NAV2: variants seen among roughly 807,000 people sequenced by gnomAD.
NAV2 encodes helicase, APC down-regulated 1.
In NAV2, 54 loss-of-function variants were observed where a neutral mutation model predicts 223.2. The ratio of observed to expected loss-of-function variants is 0.24; its 90% CI spans 0.19 to 0.30. The LOEUF is 0.30. Among genes scored for constraint, NAV2 ranks in the 10% least tolerant of loss-of-function variants. The probability of loss-of-function intolerance (pLI) is 1.00; values close to 1 mark genes in which losing one functional copy is unlikely to be tolerated. For synonymous variants in NAV2, 1,279 were observed against 1,239.3 expected (o/e 1.03, Z -0.67); for missense variants, 2,806 against 3,147.5 (o/e 0.89, Z 2.60).
intron 1 of NAV2, among the ~76,000 whole-genome samples, chr11:19,558,928 G>A (rs1208283964): frequency 6.6e-6 from 1 of 152,174 alleles, no homozygotes; most frequent in African/African-American, 2.4e-5. Flanking sequence ...ATACATGGTG[G>A]CGCAGGACTC....
chr11:19,552,032 G>A (rs990774255), intron 1 of NAV2, among the ~76,000 whole-genome samples: 78 of 152,198 alleles, frequency 5.1e-4, no homozygotes, highest in African/African-American at 1.7e-3. Context: ...TGAGGAGGAC[G>A]GGGGAGGCAG....
At chr11:19,903,373 T>A (rs1035193985) in intron 6 of NAV2, among the ~76,000 whole-genome samples, 4 of 152,180 alleles carry the variant, frequency 2.6e-5, no homozygotes, top group Non-Finnish European at 5.9e-5. Context: ...TCCTAGGAGC[T>A]CCTGCCATGA....
intron 1 of NAV2, among the ~76,000 whole-genome samples, chr11:19,642,581 T>C (rs1243036703): frequency 1.3e-5 from 2 of 152,174 alleles, no homozygotes; most frequent in East Asian, 3.9e-4. Flanking sequence ...CTGGGCTCTC[T>C]GGATGTGCCA....
intron 1 of NAV2, among the ~76,000 whole-genome samples, chr11:19,476,056 C>A (rs929658081): frequency 4.1e-4 from 62 of 152,274 alleles, no homozygotes; most frequent in Non-Finnish European, 8.2e-4. Context: ...CTCACTGTAA[C>A]CTCCGCCTCC....
intron 1 of NAV2, among the ~76,000 whole-genome samples, chr11:19,682,966 G>T (rs915819719): frequency 6.6e-6 from 1 of 152,198 alleles, no homozygotes; most frequent in Non-Finnish European, 1.5e-5. Flanking sequence ...ATTTTCCAAG[G>T]TTGCAGAACT....
intron 1 of NAV2, among the ~76,000 whole-genome samples, chr11:19,404,833 C>A (rs1564910692): frequency 6.6e-6 from 1 of 152,134 alleles, no homozygotes; most frequent in Non-Finnish European, 1.5e-5. Flanking sequence ...TCCTATTCAG[C>A]AGGGAATCAT....
Position 19,358,125 on chromosome 11 carries a change from G to A in NAV2, c.75+7098G>A, listed in dbSNP as rs148490834. ...GACATCTCTGACTCCCATCCTCAGG[G>A]CATTAATTTTTAATCTTCTTTCTCA... On this transcript the variant is annotated intron_variant, in intron 1 of 37. Transcript: ENST00000360655. Among the ~76,000 whole-genome samples the A allele has an allele frequency of 2.1e-3, 315 of 152,264 alleles. 1 individual carries two copies. The highest frequency in any genetic ancestry group is 3.8e-3 in the Non-Finnish European group (258 of 68,026).
At chr11:20,034,768 C>G (rs1286995994) in intron 11 of NAV2, among the ~76,000 whole-genome samples, 3 of 152,148 alleles carry the variant, frequency 2.0e-5, no homozygotes, top group Admixed American at 6.5e-5. Flanking sequence ...GGTGACGTGA[C>G]AGAGTGTGAC....
chr11:19,550,877 C>T (rs189358263), intron 1 of NAV2, among the ~76,000 whole-genome samples: 232 of 152,346 alleles, frequency 1.5e-3, no homozygotes, highest in Middle Eastern at 3.4e-3. Flanking sequence ...CTGCCCCTTT[C>T]CATGGCAATG....
At chr11:19,893,287 T>C (rs1591105659) in intron 6 of NAV2, among the ~76,000 whole-genome samples, 2 of 152,108 alleles carry the variant, frequency 1.3e-5, no homozygotes, top group African/African-American at 4.8e-5. Flanking sequence ...TTGGAGAAAC[T>C]AAGGTAGTTT....
At chr11:19,467,623 C>T (rs1315242275) in intron 1 of NAV2, among the ~76,000 whole-genome samples, 1 of 152,124 alleles carries the variant, frequency 6.6e-6, no homozygotes, top group Non-Finnish European at 1.5e-5. Context: ...CCAAAAACAT[C>T]CGGGAAGTGT....
chr11:20,095,661 C>T lies in NAV2; in HGVS notation c.5917-11C>T, dbSNP rs374263917. 42 of 1,601,802 alleles carry T rather than the reference C, an allele frequency of 2.6e-5. No homozygotes were observed. The highest frequency in any genetic ancestry group is 1.3e-5 in the African/African-American group (1 of 74,660). On this transcript the variant is annotated splice_polypyrimidine_tract_variant and intron_variant, in intron 29 of 37. Transcript: ENST00000349880. ...CCTGTTTTTCACCTGTGTACATTTC[C>T]TTACCCTTAGGATTCCAGACCACAT...
Position 19,787,270 on chromosome 11 carries a change from CTTTTTTTTTT to C in NAV2, c.268-45195_268-45186del, listed in dbSNP as rs757183666. Among the ~76,000 whole-genome samples, 6 of 55,002 alleles carry C rather than the reference CTTTTTTTTTT, an allele frequency of 1.1e-4. 1 individual carries two copies. Among genetic ancestry groups the C allele is most frequent in the East Asian group, 1.8e-3 (1 of 560 alleles). 36.1% of individuals were successfully genotyped at this position (55,002 alleles called of 152,430 possible). A position where few individuals can be genotyped will look rare whatever the true frequency, so the allele number is the denominator to read the frequency against. ...CATGCCTGGCTAATTTTTATTGGAT[CTTTTTTTTTT>C]TTTTTTTTTTTTTTTTTTGGAGATG... On this transcript the variant is annotated intron_variant, in intron 1 of 37. Coordinates refer to ENST00000349880, the MANE Select transcript of NAV2 (RefSeq NM_145117.5).
Position 20,090,892 on chromosome 11 carries a change from T to C in NAV2, c.5526T>C (p.Ala1842=), listed in dbSNP as rs1350102874. 1 of 1,614,062 alleles carries C rather than the reference T, an allele frequency of 6.2e-7. No individual in the cohort carries two copies. Among genetic ancestry groups the C allele is most frequent in the Non-Finnish European group, 8.5e-7 (1 of 1,179,946 alleles). ...SLISECMDSE[A]ETVMQLRNEL... is the part of the protein sequence containing the mutation. ...TTTCAGAATGCATGGATAGTGAAGC[T>C]GAGACCGTCATGCAGCTCCGAAATG... The change falls in exon 27 of 38, where the codon GCT becomes GCC. Residue 1842 remains alanine, a synonymous_variant. Coordinates refer to ENST00000349880, the MANE Select transcript of NAV2 (RefSeq NM_145117.5).
intron 10 of NAV2, among the ~76,000 whole-genome samples, chr11:19,980,408 G>T (rs1207430801): frequency 6.6e-6 from 1 of 152,166 alleles, no homozygotes; most frequent in Admixed American, 6.5e-5. Context: ...CAAGGAGAAG[G>T]AAAGTGTGGC....
At chr11:20,077,419 G>A in intron 22 of NAV2, 133 bp from the exon 23 acceptor site, 1 of 630,176 alleles carries the variant, frequency 1.6e-6, no homozygotes, top group South Asian at 2.0e-5. Context: ...GGTGGGGAGT[G>A]GGATTCAAGA....
At chr11:19,411,501 A>G (rs1258374027) in intron 1 of NAV2, among the ~76,000 whole-genome samples, 1 of 152,026 alleles carries the variant, frequency 6.6e-6, no homozygotes, top group Admixed American at 6.6e-5. Flanking sequence ...AATCTCTTCT[A>G]GCTTTCCTTC....
At chr11:19,363,184 A>T (rs1452183790) in intron 1 of NAV2, among the ~76,000 whole-genome samples, 18 of 151,280 alleles carry the variant, frequency 1.2e-4, no homozygotes, top group Non-Finnish European at 1.5e-5. Context: ...CCCTATGTCC[A>T]TGTGTTCTTA....
chr11:19,715,456 T>C (rs1194583224), intron 1 of NAV2, among the ~76,000 whole-genome samples: 1 of 151,912 alleles, frequency 6.6e-6, no homozygotes, highest in Non-Finnish European at 1.5e-5. Flanking sequence ...GGACTTGGGG[T>C]TTATGAGGTG....
Sources: gnomAD v4.1 joint callset for allele counts (sites outside exome capture counted in the v4.1 genomes callset) on GRCh38, gnomAD v4.1.1 for gene constraint, MANE v1.5 for transcripts, NCBI Gene and HGNC (gene_info 2026-07-23, HGNC 2026-07-21) for gene names.